The following BOD1L1 variants were observed in gnomAD, a reference collection of about 807,000 sequenced individuals.
BOD1L1 encodes biorientation of chromosomes in cell division 1 like 1.
In BOD1L1, 86 loss-of-function variants were observed where a neutral mutation model predicts 240.7. The observed-to-expected ratio is 0.36, with a 90% CI of 0.30 to 0.43. BOD1L1 has a LOEUF of 0.43. BOD1L1 is among the 20% of genes least tolerant of loss of function. The probability of loss-of-function intolerance (pLI) is 1.00; values close to 1 mark genes in which losing one functional copy is unlikely to be tolerated. For synonymous variants in BOD1L1, 1,268 were observed against 1,272.3 expected (o/e 1.00, Z 0.07); for missense variants, 3,554 against 3,643.5 (o/e 0.98, Z 0.63).
intron 17 of BOD1L1, among the ~76,000 whole-genome samples, chr4:13,584,883 C>T (rs1277687799): frequency 6.6e-6 from 1 of 152,160 alleles, no homozygotes; most frequent in Non-Finnish European, 1.5e-5. Flanking sequence ...TCCCAATTTA[C>T]TGTCCAAAAA....
chr4:13,580,705 T>C (rs1185200207), intron 21 of BOD1L1, among the ~76,000 whole-genome samples: 1 of 152,200 alleles, frequency 6.6e-6, no homozygotes, highest in Non-Finnish European at 1.5e-5. Flanking sequence ...CAAGTCTCTA[T>C]AAAGAAGCCA....
chr4:13,610,496 T>C (rs752570983), intron 6 of BOD1L1, among the ~76,000 whole-genome samples: 1 of 152,200 alleles, frequency 6.6e-6, no homozygotes, highest in Non-Finnish European at 1.5e-5. Flanking sequence ...CCTGACTTCA[T>C]GTGACAGGTG....
intron 2 of BOD1L1, among the ~76,000 whole-genome samples, chr4:13,616,030 A>G (rs1394308847): frequency 6.6e-6 from 1 of 152,192 alleles, no homozygotes; most frequent in Non-Finnish European, 1.5e-5. Context: ...TAGAGAAAAA[A>G]ATTTGGAGAA....
intron 11 of BOD1L1, among the ~76,000 whole-genome samples, chr4:13,596,158 T>G (rs1340110335): frequency 2.0e-5 from 3 of 151,996 alleles, no homozygotes; most frequent in Non-Finnish European, 4.4e-5. Context: ...CATCAATGGG[T>G]ATTCTATTGC....
At chr4:13,588,671 G>C (rs1713924013) in intron 15 of BOD1L1, 51 bp downstream of exon 15, 4 of 1,345,628 alleles carry the variant, frequency 3.0e-6, no homozygotes, top group Non-Finnish European at 4.1e-6. Flanking sequence ...TTTGTGTACA[G>C]TGAAAATATT....
At chr4:13,577,256 C>T (rs1712830132) in intron 24 of BOD1L1, 147 bp downstream of exon 24, 2 of 780,504 alleles carry the variant, frequency 2.6e-6, no homozygotes, top group Non-Finnish European at 4.0e-6. Context: ...TGTACCATTT[C>T]TGACACGGGA....
rs10005546 is a variant in BOD1L1, at chr4:13,579,052, C to T, written c.8749+876G>A. 7.9e-5 allele frequency among the ~76,000 whole-genome samples: 12 copies of T among 152,248 alleles called. No homozygotes were observed. In the East Asian group the frequency reaches 1.9e-3, roughly 24 times the overall value. On this transcript the variant is annotated intron_variant, in intron 22 of 25. Coordinates refer to ENST00000040738, the MANE Select transcript of BOD1L1 (RefSeq NM_148894.3). ...TCAGGCACTCAAAAACTCAAAGGTACTTCTTTTTAGTGACGGTAGTAGTTG... is the reference window on the plus strand; with the variant it reads ...TCAGGCACTCAAAAACTCAAAGGTATTTCTTTTTAGTGACGGTAGTAGTTG...
At chr4:13,584,441 AGT>A (rs36096107) in intron 17 of BOD1L1, among the ~76,000 whole-genome samples, 29,445 of 134,238 alleles carry the variant, frequency 0.22, 3,124 homozygotes, top group African/African-American at 0.32. Context: ...AGAGAGAGAG[AGT>A]GTGTGTGTGT....
intron 25 of BOD1L1, 64 bp from the exon 26 acceptor site, chr4:13,570,192 G>T: frequency 1.7e-6 from 2 of 1,210,230 alleles, no homozygotes; most frequent in East Asian, 2.8e-5. Flanking sequence ...TAACTTGGGA[G>T]TTCCTTAAAA....
intron 2 of BOD1L1, among the ~76,000 whole-genome samples, chr4:13,616,405 A>C (rs978676682): frequency 2.0e-5 from 3 of 152,236 alleles, no homozygotes; most frequent in Non-Finnish European, 4.4e-5. Context: ...ACATGGAGTT[A>C]AGGAAATATC....
chr4:13,615,892 C>T (rs1716551024), intron 2 of BOD1L1, among the ~76,000 whole-genome samples: 1 of 152,004 alleles, frequency 6.6e-6, no homozygotes, highest in African/African-American at 2.4e-5. Context: ...TAAAATAAAC[C>T]TATGGTCTCT....
In BOD1L1 at chr4:13,603,833, T is replaced by C; in HGVS notation, c.3067A>G (p.Arg1023Gly). 6.2e-7 allele frequency: 1 copy of C among 1,613,602 alleles called. No homozygotes were observed. Among genetic ancestry groups the C allele is most frequent in the Non-Finnish European group, 8.5e-7 (1 of 1,179,888 alleles). The change falls in exon 10 of 26, where the codon AGA becomes GGA. Residue 1023 changes from arginine (R) to glycine (G), a missense_variant. Arg to Gly is a moderately radical substitution (Grantham distance 125). Transcript: ENST00000040738. Reference sequence around the variant, plus strand: ...TCTTTACTACTATGCTTTAAGCTTCTGCTTTTGTGGCCATCTGACAACTTT... The same window carrying C: ...TCTTTACTACTATGCTTTAAGCTTCCGCTTTTGTGGCCATCTGACAACTTT... ...ERKLSDGHKS[R>G]SLKHSSKDIK...
At chr4:13,609,463 A>G in intron 6 of BOD1L1, 57 bp from the exon 7 acceptor site, 1 of 1,168,936 alleles carries the variant, frequency 8.6e-7, no homozygotes. Context: ...CACACTGAAA[A>G]ATTGTATTTT....
At chr4:13,591,270 AT>A (rs1041499897) in intron 13 of BOD1L1, among the ~76,000 whole-genome samples, 1 of 152,090 alleles carries the variant, frequency 6.6e-6, no homozygotes, top group African/African-American at 2.4e-5. Context: ...CTTTCTTCTT[AT>A]TCAGCATATG....
intron 22 of BOD1L1, among the ~76,000 whole-genome samples, chr4:13,579,451 T>TAG (rs1713043348): frequency 6.6e-6 from 1 of 152,216 alleles, no homozygotes; most frequent in African/African-American, 2.4e-5. Context: ...AATATGTACT[T>TAG]TCTCAGTCTG....
In BOD1L1 at chr4:13,597,106, C is replaced by A; in HGVS notation, c.8017G>T (p.Glu2673Ter). The change falls in exon 11 of 26, where the codon GAG (glutamate) becomes TAG (stop). Residue 2673 changes from glutamate to a stop codon, truncating the protein, a stop_gained and splice_region_variant. Coordinates refer to ENST00000040738, the MANE Select transcript of BOD1L1 (RefSeq NM_148894.3). LOFTEE classifies it high-confidence loss of function. ...CACAGCTGAATTATAAGCCATACCT[C>A]CATTTTCAAGTTGGCTTTCAGTTTC... ...GLKLKANLKM[E>*]AYVPSEEEKN... is the part of the protein sequence containing the mutation. 1 of 1,586,974 alleles carries A rather than the reference C, an allele frequency of 6.3e-7. No individual in the cohort carries two copies. Among genetic ancestry groups the A allele is most frequent in the East Asian group, 2.3e-5 (1 of 44,302 alleles).
chr4:13,609,779 G>GAACATCAA (rs1560211324), intron 6 of BOD1L1, among the ~76,000 whole-genome samples: 5 of 152,128 alleles, frequency 3.3e-5, no homozygotes, highest in African/African-American at 1.2e-4. Context: ...TATATAGGTA[G>GAACATCAA]GTGTTTATAA....
At chr4:13,584,405 T>G in intron 17 of BOD1L1, among the ~76,000 whole-genome samples, 1 of 150,344 alleles carries the variant, frequency 6.7e-6, no homozygotes. Flanking sequence ...AGAGTCAGCA[T>G]GTGTGCGTGT....
chr4:13,588,909 C>T (rs1713950744), intron 14 of BOD1L1, 117 bp from the exon 15 acceptor site: 1 of 611,616 alleles, frequency 1.6e-6, no homozygotes, highest in African/African-American at 1.9e-5. Context: ...TATTGAGTAC[C>T]AGTTATATAC....
Sources: gnomAD v4.1 joint callset for allele counts (sites outside exome capture counted in the v4.1 genomes callset) on GRCh38, gnomAD v4.1.1 for gene constraint, MANE v1.5 for transcripts, NCBI Gene and HGNC (gene_info 2026-07-23, HGNC 2026-07-21) for gene names.